Variants in NDUFAF1 observed in about 807,000 individuals in gnomAD.
NDUFAF1 encodes complex I intermediate-associated protein 30, mitochondrial.
Under a neutral mutation model 28.7 loss-of-function variants are expected in NDUFAF1, and 18 were observed. That is an observed-to-expected ratio of 0.63 (90% CI 0.43 to 0.93). The LOEUF (loss-of-function observed/expected upper bound fraction) is 0.93, where lower values mean the gene tolerates loss of function less well. NDUFAF1 is among the 40% of genes least tolerant of loss of function. The probability of loss-of-function intolerance (pLI) is 0.00; values close to 1 mark genes in which losing one functional copy is unlikely to be tolerated. For synonymous variants in NDUFAF1, 113 were observed against 139.7 expected, an observed-to-expected ratio of 0.81 and a Z score of 1.35; for missense variants, 404 against 398.3, an observed-to-expected ratio of 1.01 and a Z score of -0.12.
chr15:41,396,511 A>G lies in NDUFAF1; in HGVS notation c.549T>C (p.Cys183=). 1 of 1,614,142 alleles carries G rather than the reference A, an allele frequency of 6.2e-7. No individual in the cohort carries two copies. The highest frequency in any genetic ancestry group is 1.3e-5 in the African/African-American group (1 of 75,034). ...CCCTTGGAATCCTGGATATCATTGC[A>G]CAGTACCCACTTCGGGTAGACTCCC... ...QDGESTRSGY[C]AMISRIPRGA... The change falls in exon 2 of 5, where the codon TGT becomes TGC. Residue 183 remains cysteine, a synonymous_variant. Coordinates refer to ENST00000260361, the MANE Select transcript of NDUFAF1 (RefSeq NM_016013.4).
chr15:41,399,819 G>A (rs1165157038), intron 1 of NDUFAF1, among the ~76,000 whole-genome samples: 2 of 131,332 alleles, frequency 1.5e-5, no homozygotes, highest in African/African-American at 5.9e-5. Flanking sequence ...TCCCGCCACT[G>A]CACTCCAGCC....
At position 41,388,534 on chromosome 15, in the gene NDUFAF1, A is replaced by T; in HGVS notation, c.760-12T>A. The stretch of plus-strand genomic sequence containing the variant: ...TTGGAAAAAGGAATCTGAAAGAAGA[A>T]ACCATTTACTTCATAACTGAAATGT... On this transcript the variant is annotated splice_polypyrimidine_tract_variant and intron_variant, in intron 3 of 4. Transcript: ENST00000260361. 1 of 1,568,840 alleles carries T rather than the reference A, an allele frequency of 6.4e-7. No homozygotes were observed. Among genetic ancestry groups the T allele is most frequent in the Non-Finnish European group, 8.8e-7 (1 of 1,138,778 alleles).
intron 3 of NDUFAF1, among the ~76,000 whole-genome samples, chr15:41,392,731 A>G (rs914328184): frequency 6.6e-6 from 1 of 152,120 alleles, no homozygotes; most frequent in African/African-American, 2.4e-5. Flanking sequence ...TCCTTTATTA[A>G]TTACCTAGTC....
At chr15:41,401,573 G>T (rs1038987159) in intron 1 of NDUFAF1, among the ~76,000 whole-genome samples, 6 of 151,656 alleles carry the variant, frequency 4.0e-5, no homozygotes, top group African/African-American at 1.5e-4. Context: ...TTACAGGCGT[G>T]CGCCACCACG....
intron 3 of NDUFAF1, among the ~76,000 whole-genome samples, chr15:41,391,229 T>G (rs1245210128): frequency 6.6e-6 from 1 of 151,864 alleles, no homozygotes; most frequent in Non-Finnish European, 1.5e-5. Flanking sequence ...TATGTATGTA[T>G]TGAGTGCTTA....
In NDUFAF1 at chr15:41,397,316, C is replaced by T. The variant is rs56301417; in HGVS notation, c.-81-176G>A. 0.016 allele frequency among the ~76,000 whole-genome samples: 2,462 copies of T among 152,242 alleles called. 78 individuals are homozygous for T. The highest frequency in any genetic ancestry group is 0.057 in the African/African-American group (2,354 of 41,550). On this transcript the variant is annotated intron_variant, in intron 1 of 4. Coordinates refer to ENST00000260361, the MANE Select transcript of NDUFAF1 (RefSeq NM_016013.4). Reference sequence around the variant, plus strand: ...CCCAGGCTGGGTACAGTGGCACAATCACAGCTCACTGTAGCCTCTACTTTC... The same window carrying T: ...CCCAGGCTGGGTACAGTGGCACAATTACAGCTCACTGTAGCCTCTACTTTC...
chr15:41,402,921 G>A (rs373189942), upstream of NDUFAF1, among the ~76,000 whole-genome samples: 6 of 151,606 alleles, frequency 4.0e-5, no homozygotes, highest in South Asian at 1.3e-3. Context: ...TAGTAGAGAC[G>A]GGGTTTCACC....
chr15:41,395,077 C>G, intron 2 of NDUFAF1, 33 bp from the exon 3 acceptor site: 1 of 1,595,586 alleles, frequency 6.3e-7, no homozygotes, highest in Non-Finnish European at 8.6e-7. Context: ...CATTGTACCT[C>G]ATTCTCCATT....
chr15:41,387,665 A>C, intron 4 of NDUFAF1, 72 bp from the exon 5 acceptor site: 1 of 1,321,770 alleles, frequency 7.6e-7, no homozygotes, highest in Non-Finnish European at 1.1e-6. Flanking sequence ...GGAGTTTAAA[A>C]TCCCATCAGG....
At position 41,402,278 on chromosome 15, in the gene NDUFAF1, T is replaced by A. The variant is rs532146656; in HGVS notation, c.-216A>T. On this transcript the variant is annotated 5_prime_UTR_variant, in exon 1 of 5. Coordinates refer to ENST00000260361, the MANE Select transcript of NDUFAF1 (RefSeq NM_016013.4). Reference sequence around the variant, plus strand: ...AATTTACCCGAGGTCACACAGGTAGTGAGTGGCAAAATTCTTCCGCCTTGG... The same window carrying A: ...AATTTACCCGAGGTCACACAGGTAGAGAGTGGCAAAATTCTTCCGCCTTGG... 16 of 454,124 alleles carry A rather than the reference T, an allele frequency of 3.5e-5. No individual in the cohort carries two copies. The East Asian group carries it at 1.1e-3, about 32-fold the overall frequency. The allele number at this position is 454,124 out of a possible 1,614,324, so 28.1% of individuals were successfully genotyped here. A position where few individuals can be genotyped will look rare whatever the true frequency, so the allele number is the denominator to read the frequency against.
chr15:41,397,398 C>T (rs1343070063), intron 1 of NDUFAF1, among the ~76,000 whole-genome samples: 3 of 152,120 alleles, frequency 2.0e-5, no homozygotes, highest in Non-Finnish European at 4.4e-5. Context: ...TACAAGCACA[C>T]ACCACCATGC....
intron 3 of NDUFAF1, among the ~76,000 whole-genome samples, chr15:41,392,746 G>T (rs2050330859): frequency 6.6e-6 from 1 of 152,030 alleles, no homozygotes; most frequent in African/African-American, 2.4e-5. Context: ...CTAGTCTCAG[G>T]TATTTCTTCA....
At chr15:41,402,950 T>C (rs868208472), upstream of NDUFAF1, among the ~76,000 whole-genome samples, 3 of 151,912 alleles carry the variant, frequency 2.0e-5, no homozygotes, top group Non-Finnish European at 4.4e-5. Context: ...CGGGATGATC[T>C]CGATCTCCTG....
In NDUFAF1 at chr15:41,396,776, C is replaced by T. The variant is rs759057658; in HGVS notation, c.284G>A (p.Arg95Lys). 1.2e-5 allele frequency: 20 copies of T among 1,614,140 alleles called. No homozygotes were observed. In the East Asian group the frequency reaches 4.2e-4, roughly 34 times the overall value. The change falls in exon 2 of 5, where the codon AGG becomes AAG. Residue 95 changes from arginine to lysine, a missense_variant. By Grantham distance (26) the Arg-to-Lys change is conservative. Transcript: ENST00000260361. ...ATCCACAATTTCATCCTTCAAAAGC[C>T]TAAAATGGTATATTGCTTCATCTCT... Reference protein sequence around the residue: ...AIRDEAIYHFRLLKDEIVDHW... With the variant: ...AIRDEAIYHFKLLKDEIVDHW...
At chr15:41,400,647 C>A (rs937990524) in intron 1 of NDUFAF1, among the ~76,000 whole-genome samples, 7 of 148,520 alleles carry the variant, frequency 4.7e-5, no homozygotes, top group African/African-American at 1.7e-4. Flanking sequence ...CTCAGCCTCG[C>A]GAGTAGCTGG....
intron 1 of NDUFAF1, 52 bp from the exon 2 acceptor site, chr15:41,397,192 C>G: frequency 1.5e-6 from 1 of 684,286 alleles, no homozygotes; most frequent in South Asian, 1.8e-5. Flanking sequence ...GAATGCATCA[C>G]AATTTCAAAT....
chr15:41,388,059 G>A lies in NDUFAF1; in HGVS notation c.834+389C>T, dbSNP rs186933375. Among the ~76,000 whole-genome samples the A allele has an allele frequency of 5.9e-5, 9 of 152,134 alleles. No homozygotes were observed. In the South Asian group the frequency reaches 8.3e-4, roughly 14 times the overall value. ...CGGGAGGTAGAGGTTGCAGTGAGCC[G>A]AGATCATGCCACTGCACTCCAGCCT... On this transcript the variant is annotated intron_variant, in intron 4 of 4. Transcript: ENST00000260361.
chr15:41,392,921 A>G (rs1051890820), intron 3 of NDUFAF1, among the ~76,000 whole-genome samples: 11 of 152,102 alleles, frequency 7.2e-5, no homozygotes, highest in Non-Finnish European at 1.0e-4. Flanking sequence ...CAGGGAAATC[A>G]ATAATGAAGC....
intron 2 of NDUFAF1, among the ~76,000 whole-genome samples, chr15:41,395,582 G>C (rs1182032708): frequency 6.6e-6 from 1 of 151,140 alleles, no homozygotes; most frequent in East Asian, 2.0e-4. Context: ...GTGTTAGCCA[G>C]GATGGTCTCG....
Sources: gnomAD v4.1 joint callset for allele counts (sites outside exome capture counted in the v4.1 genomes callset) on GRCh38, gnomAD v4.1.1 for gene constraint, MANE v1.5 for transcripts, NCBI Gene and HGNC (gene_info 2026-07-23, HGNC 2026-07-21) for gene names.